CTNND1: variants seen among roughly 807,000 people sequenced by gnomAD.
CTNND1 encodes the protein catenin delta 1, also known as catenin delta-1.
Under a neutral mutation model 112.1 loss-of-function variants are expected in CTNND1, and 16 were observed. The observed-to-expected ratio is 0.14, with a 90% CI of 0.10 to 0.22. The LOEUF is 0.22. Ranked by LOEUF, CTNND1 falls within the 10% of genes least tolerant of loss-of-function variation. CTNND1 has a pLI of 1.00. For missense variants in CTNND1, 1,008 were observed against 1,257.0 expected (o/e 0.80, Z 3.00); for synonymous variants, 420 against 446.5 (o/e 0.94, Z 0.75).
intron 2 of CTNND1, among the ~76,000 whole-genome samples, chr11:57,790,069 G>A (rs947953494): frequency 1.3e-5 from 2 of 152,000 alleles, no homozygotes; most frequent in African/African-American, 2.4e-5. Flanking sequence ...AAGTAGAAAC[G>A]CCCTTTTATG....
At chr11:57,785,283 C>T (rs1218354576) in intron 1 of CTNND1, among the ~76,000 whole-genome samples, 1 of 152,176 alleles carries the variant, frequency 6.6e-6, no homozygotes, top group East Asian at 1.9e-4. Context: ...AAGCACTTTA[C>T]ATGAAATGCC....
In CTNND1 at chr11:57,806,950, G is replaced by A; in HGVS notation, c.1930G>A (p.Val644Met). The change falls in exon 12 of 21, where the codon GTG (valine) becomes ATG (methionine). Residue 644 changes from valine (V) to methionine (M), a missense_variant. Physicochemically the swap from Val to Met is conservative, Grantham distance 21. This residue lies in a region of CTNND1 where 254 missense variants were observed against 279.5 expected (regional missense o/e 0.91). Transcript: ENST00000399050. ...TATAGAGGATCCAGCAAACGATACA[G>A]TGGATTTCCCTAAAAGAACGAGTCC... ...KPIEDPANDT[V>M]DFPKRTSPAR... is the part of the protein sequence containing the mutation. The A allele has an allele frequency of 1.2e-6, 2 of 1,602,036 alleles. No homozygotes were observed. The highest frequency in any genetic ancestry group is 1.7e-4 in the Middle Eastern group (1 of 6,042).
chr11:57,803,498 A>G (rs951550460), intron 7 of CTNND1, 123 bp from the exon 8 acceptor site: 6 of 633,072 alleles, frequency 9.5e-6, no homozygotes, highest in South Asian at 2.6e-5. Context: ...CTTGAATATT[A>G]CTATAAGGTA....
chr11:57,814,570 G>A (rs2063736450), intron 18 of CTNND1, among the ~76,000 whole-genome samples, 197 bp downstream of exon 18: 1 of 152,210 alleles, frequency 6.6e-6, no homozygotes, highest in East Asian at 1.9e-4. Context: ...ATTCCTACAT[G>A]CTCAAAGGTT....
rs200712446 is a variant in CTNND1, at chr11:57,791,559, C to G, written c.81C>G (p.Thr27=). Residue 27 remains threonine (T), a synonymous_variant, in exon 3 of 21, where the codon ACC becomes ACG. Transcript: ENST00000399050. ...KEQEAQFEKL[T]RALEEERRHV... ...AAGAGGCCCAGTTTGAGAAGCTGACCCGGGCGCTGGAGGAGGAACGGCGCC... is the reference window on the plus strand; with the variant it reads ...AAGAGGCCCAGTTTGAGAAGCTGACGCGGGCGCTGGAGGAGGAACGGCGCC... The G allele has an allele frequency of 1.2e-5, 19 of 1,610,606 alleles. No homozygotes were observed. The Admixed American group carries it at 3.0e-4, about 26-fold the overall frequency.
In CTNND1 at chr11:57,797,520, C is replaced by T. The variant is rs573200102; in HGVS notation, c.956+528C>T. 7.9e-4 allele frequency among the ~76,000 whole-genome samples: 97 copies of T among 123,214 alleles called. 2 individuals are homozygous for T. The South Asian group carries it at 0.019, about 24-fold the overall frequency. 80.8% of individuals were successfully genotyped at this position (123,214 alleles called of 152,430 possible). A position where few individuals can be genotyped will look rare whatever the true frequency, so the allele number is the denominator to read the frequency against. ...TGCTGGGATTACAGGCGTGAGCCAC[C>T]GCGCCTGGTCCACAAGTTGTTTTCT... On this transcript the variant is annotated intron_variant, in intron 6 of 20. Coordinates refer to ENST00000399050, the MANE Select transcript of CTNND1 (RefSeq NM_001085458.2).
chr11:57,770,902 A>T (rs1952414513), intron 1 of CTNND1, among the ~76,000 whole-genome samples: 1 of 152,152 alleles, frequency 6.6e-6, no homozygotes, highest in South Asian at 2.1e-4. Context: ...TTAAAAGAGA[A>T]ATTGGTGCCA....
At position 57,796,707 on chromosome 11, in the gene CTNND1, G is replaced by T. The variant is rs1183571657; in HGVS notation, c.671G>T (p.Gly224Val). Residue 224 changes from glycine to valine, a missense_variant, in exon 6 of 21, where the codon GGC (glycine) becomes GTC (valine). By Grantham distance (109) the Gly-to-Val change is moderately radical. This residue lies in a region of CTNND1 where 404 missense variants were observed against 457.9 expected (regional missense o/e 0.88). Transcript: ENST00000399050. ...SRHYEDGYPG[G>V]SDNYGSLSRV... ...CACTATGAAGATGGTTATCCAGGTG[G>T]CAGTGATAACTATGGCAGTCTGTCC... is the stretch of plus-strand genomic sequence containing the variant. The T allele has an allele frequency of 3.7e-6, 6 of 1,613,996 alleles. No homozygotes were observed. The highest frequency in any genetic ancestry group is 5.1e-6 in the Non-Finnish European group (6 of 1,179,878).
rs770137669 is a variant in CTNND1, at chr11:57,815,903, A to G, written c.2809-12A>G. On this transcript the variant is annotated splice_polypyrimidine_tract_variant and intron_variant, in intron 19 of 20. Coordinates refer to ENST00000399050, the MANE Select transcript of CTNND1 (RefSeq NM_001085458.2). ...GTCTCTACTCATACTAACAAATTGC[A>G]TGTGTTCACAGCAGGACGAGGGGCA... 1.0e-5 allele frequency: 16 copies of G among 1,603,684 alleles called. No homozygotes were observed. The South Asian group carries it at 1.8e-4, about 18-fold the overall frequency.
At chr11:57,814,489 A>T in intron 18 of CTNND1, 116 bp downstream of exon 18, 1 of 698,044 alleles carries the variant, frequency 1.4e-6, no homozygotes, top group Non-Finnish European at 2.4e-6. Context: ...CTGGGAGAGC[A>T]TTGGCTGATC....
In CTNND1 at chr11:57,797,129, A is replaced by G. The variant is rs965119250; in HGVS notation, c.956+137A>G. The G allele has an allele frequency of 5.1e-6, 3 of 586,306 alleles. No homozygotes were observed. The African/African-American group carries it at 5.7e-5, about 11-fold the overall frequency. 36.3% of individuals were successfully genotyped at this position (586,306 alleles called of 1,614,324 possible). A position where few individuals can be genotyped will look rare whatever the true frequency, so the allele number is the denominator to read the frequency against. ...CCCCTCTGCTTTTTTTTGGGGTGAA[A>G]AGCTACCCTGTTTTTCCCTTTTCTG... On this transcript the variant is annotated intron_variant, in intron 6 of 20. Coordinates refer to ENST00000399050, the MANE Select transcript of CTNND1 (RefSeq NM_001085458.2).
At chr11:57,800,691 G>C (rs929209650) in intron 6 of CTNND1, among the ~76,000 whole-genome samples, 2 of 152,216 alleles carry the variant, frequency 1.3e-5, no homozygotes, top group Non-Finnish European at 2.9e-5. Flanking sequence ...GGGCAACCTT[G>C]AGTATTTGTT....
chr11:57,768,539 G>A (rs982978444), intron 1 of CTNND1, among the ~76,000 whole-genome samples: 6 of 151,406 alleles, frequency 4.0e-5, no homozygotes, highest in Non-Finnish European at 5.9e-5. Context: ...GACTACAGGC[G>A]CCCGCCACCA....
At chr11:57,772,794 TTCTC>T (rs372025797) in intron 1 of CTNND1, among the ~76,000 whole-genome samples, 7 of 150,032 alleles carry the variant, frequency 4.7e-5, no homozygotes, top group Admixed American at 6.6e-5. Context: ...CTCTGTCTCG[TTCTC>T]TCTCTCTCTC....
rs748606840 is a variant in CTNND1, at chr11:57,811,441, T to C, written c.2593T>C (p.Tyr865His). 6.2e-7 allele frequency: 1 copy of C among 1,613,614 alleles called. No individual in the cohort carries two copies. Among genetic ancestry groups the C allele is most frequent in the Non-Finnish European group, 8.5e-7 (1 of 1,179,802 alleles). Residue 865 changes from tyrosine (Y) to histidine (H), a missense_variant, in exon 17 of 21, where the codon TAT becomes CAT. By Grantham distance (83) the Tyr-to-His change is moderately conservative. Transcript: ENST00000399050. ...NASRSQSSHSYDDSTLPLIDR... is the reference protein window; with the variant it reads ...NASRSQSSHSHDDSTLPLIDR... ...TTCCCGAAGCCAGAGCAGTCATTCA[T>C]ATGATGATAGTACTCTCCCTCTCAT...
At position 57,788,045 on chromosome 11, in the gene CTNND1, T is replaced by C. The variant is rs2060318408; in HGVS notation, c.-213-992T>C. Among the ~76,000 whole-genome samples, 1 of 152,124 alleles carries C rather than the reference T, an allele frequency of 6.6e-6. No homozygotes were observed. The highest frequency in any genetic ancestry group is 2.4e-5 in the African/African-American group (1 of 41,382). ...TTTGGGCTTTTATTAGCAAAGAAGA[T>C]TATAGGGTGGATGCTGCTGGAGTGG... On this transcript the variant is annotated intron_variant, in intron 1 of 20. Transcript: ENST00000399050. The surrounding 1 kb of genome is among the most constrained non-coding windows in gnomAD (Gnocchi z 4.1).
chr11:57,766,158 T>C (rs1951021477), intron 1 of CTNND1, among the ~76,000 whole-genome samples: 1 of 152,206 alleles, frequency 6.6e-6, no homozygotes, highest in Admixed American at 6.5e-5. Flanking sequence ...GTTCATTTCA[T>C]AATGAACTTC....
intron 16 of CTNND1, 65 bp from the exon 17 acceptor site, chr11:57,811,334 A>G (rs2063332853): frequency 1.5e-6 from 2 of 1,320,220 alleles, no homozygotes; most frequent in African/African-American, 2.9e-5. Flanking sequence ...GTTTATGCCC[A>G]TTAGAGCATA....
rs753754249 is a variant in CTNND1, at chr11:57,815,959, G to T, written c.2853G>T (p.Leu951Phe). 4 of 1,601,498 alleles carry T rather than the reference G, an allele frequency of 2.5e-6. No homozygotes were observed. The highest frequency in any genetic ancestry group is 1.1e-5 in the South Asian group (1 of 88,350). The change falls in exon 20 of 21, where the codon TTG (leucine) becomes TTT (phenylalanine). Residue 951 changes from leucine (L) to phenylalanine (F), a missense_variant. This residue lies in a region of CTNND1 where 106 missense variants were observed against 116.2 expected (regional missense o/e 0.91). Transcript: ENST00000399050. Reference protein sequence around the residue: ...QESLEEELDVLVLDDEGGQVS... With the variant: ...QESLEEELDVFVLDDEGGQVS... ...CTCTGGAGGAAGAGTTGGATGTGTT[G>T]GTTTTGGATGATGAGGGGGGCCAAG...
Sources: gnomAD v4.1 joint callset for allele counts (sites outside exome capture counted in the v4.1 genomes callset) on GRCh38, gnomAD v4.1.1 for gene constraint, gnomAD v4.1.1 regional missense constraint, Gnocchi (gnomAD v3.1) non-coding constraint, MANE v1.5 for transcripts, NCBI Gene and HGNC (gene_info 2026-07-23, HGNC 2026-07-21) for gene names.